The following CALCR variants were observed in gnomAD, a reference collection of about 807,000 sequenced individuals.
The protein encoded by CALCR is calcitonin receptor.
CALCR carries 47 observed loss-of-function variants against 59.5 expected under a neutral mutation model. That is an observed-to-expected ratio of 0.79 (90% CI 0.63 to 1.01). The LOEUF is 1.01. Ranked by LOEUF, CALCR falls within the 50% of genes least tolerant of loss-of-function variation. The pLI, the probability that CALCR is intolerant of heterozygous loss-of-function variation, is 0.00. For missense variants in CALCR, 566 were observed against 597.1 expected (o/e 0.95, Z 0.54); for synonymous variants, 213 against 211.3 (o/e 1.01, Z -0.07).
intron 2 of CALCR, among the ~76,000 whole-genome samples, chr7:93,535,520 G>A (rs999029157): frequency 6.6e-6 from 1 of 151,672 alleles, no homozygotes; most frequent in African/African-American, 2.4e-5. Flanking sequence ...AACTGAAAAT[G>A]GACACACAGA....
At position 93,479,489 on chromosome 7, in the gene CALCR, G is replaced by A; in HGVS notation, c.70C>T (p.Pro24Ser). The A allele has an allele frequency of 6.2e-7, 1 of 1,612,236 alleles. No homozygotes were observed. Residue 24 changes from proline (P) to serine (S), a missense_variant, in exon 4 of 14, where the codon CCT becomes TCT. Physicochemically the swap from Pro to Ser is moderately conservative, Grantham distance 74. Transcript: ENST00000426151. ...GGATAGGTTTGATTTGAAAAGGCAG[G>A]AAGAATTGGGGTTGGGTGCTGTATT... Reference protein sequence around the residue: ...LLLNHPTPILPAFSNQTYPTI... With the variant: ...LLLNHPTPILSAFSNQTYPTI...
At chr7:93,441,867 A>G (rs938099520) in intron 9 of CALCR, among the ~76,000 whole-genome samples, 2 of 152,054 alleles carry the variant, frequency 1.3e-5, no homozygotes, top group African/African-American at 4.8e-5. Context: ...ATCCCCCTCA[A>G]TTTTCTTGGC....
Position 93,438,205 on chromosome 7 carries a change from CT to C in CALCR, c.863+4del, listed in dbSNP as rs759161997. 3.4e-5 allele frequency: 55 copies of C among 1,612,510 alleles called. No individual in the cohort carries two copies. The highest frequency in any genetic ancestry group is 4.7e-5 in the Non-Finnish European group (55 of 1,178,692). ...TGTTAACTTAAACATCACCATAATA[CT>C]TACTTGTCATTGAAGTACACGGCCC... On this transcript the variant is annotated splice_donor_region_variant and intron_variant, in intron 10 of 13. Transcript: ENST00000426151.
intron 8 of CALCR, among the ~76,000 whole-genome samples, chr7:93,459,964 T>A (rs1800282374): frequency 6.6e-6 from 1 of 152,194 alleles, no homozygotes; most frequent in South Asian, 2.1e-4. Flanking sequence ...TTGCCCTAAC[T>A]TTTGCATTTC....
intron 2 of CALCR, among the ~76,000 whole-genome samples, chr7:93,550,598 A>AACACACACACACACACACACACAC (rs201729250): frequency 9.8e-5 from 12 of 121,928 alleles, no homozygotes; most frequent in African/African-American, 3.2e-4. Flanking sequence ...ATTTGGGCTA[A>AACACACACACACACACACACACAC]ACACACACAC....
chr7:93,523,270 T>A (rs1030597604), intron 2 of CALCR, among the ~76,000 whole-genome samples: 3 of 152,224 alleles, frequency 2.0e-5, no homozygotes, highest in African/African-American at 7.2e-5. Context: ...CCATAAGGAC[T>A]TAATTTTGAC....
chr7:93,569,856 C>A (rs1395618944), intron 2 of CALCR, among the ~76,000 whole-genome samples: 2 of 151,194 alleles, frequency 1.3e-5, no homozygotes, highest in Admixed American at 6.6e-5. Context: ...AAATAAAGGG[C>A]AGGGAGTGAG....
rs751860656 is a variant in CALCR, at chr7:93,460,879, A to G, written c.590T>C (p.Ile197Thr). The part of the protein sequence containing the change: ...MFLTYILNSM[I>T]IIIHLVEVVP... ...TACTTCAACCAGGTGGATGATGATA[A>G]TCATAGAATTCAGAATGTAAGTAAG... Residue 197 changes from isoleucine to threonine, a missense_variant, in exon 8 of 14, where the codon ATT (isoleucine) becomes ACT (threonine). Ile to Thr is a moderately conservative substitution (Grantham distance 89, BLOSUM62 -1). Coordinates refer to ENST00000426151, the MANE Select transcript of CALCR (RefSeq NM_001742.4). 7 of 1,611,960 alleles carry G rather than the reference A, an allele frequency of 4.3e-6. No homozygotes were observed. In the Admixed American group the frequency reaches 1.2e-4, roughly 27 times the overall value.
chr7:93,504,836 A>G (rs1801392894), intron 2 of CALCR, among the ~76,000 whole-genome samples: 1 of 152,132 alleles, frequency 6.6e-6, no homozygotes, highest in South Asian at 2.1e-4. Flanking sequence ...AATAATTGTG[A>G]CTGACATCTC....
chr7:93,550,640 C>CACACACACACACACACACAT (rs546932316), intron 2 of CALCR, among the ~76,000 whole-genome samples: 1 of 146,758 alleles, frequency 6.8e-6, no homozygotes, highest in Non-Finnish European at 1.5e-5. Context: ...CACACACACA[C>CACACACACACACACACACAT]GAGAGACAGA....
chr7:93,478,022 T>G (rs1304176326), intron 4 of CALCR, among the ~76,000 whole-genome samples: 1 of 142,012 alleles, frequency 7.0e-6, no homozygotes, highest in Non-Finnish European at 1.5e-5. Context: ...GAAGATTTAC[T>G]TCTATAAAGG....
chr7:93,498,134 A>C (rs936673586), intron 2 of CALCR, among the ~76,000 whole-genome samples: 1 of 151,682 alleles, frequency 6.6e-6, no homozygotes, highest in African/African-American at 2.4e-5. Flanking sequence ...TATAAGATTT[A>C]AAATGAAGCA....
At chr7:93,561,665 T>C (rs193266291) in intron 2 of CALCR, among the ~76,000 whole-genome samples, 3 of 152,312 alleles carry the variant, frequency 2.0e-5, no homozygotes, top group African/African-American at 7.2e-5. Context: ...TTGAACATAC[T>C]TAATGGTAAG....
At chr7:93,480,340 G>A (rs1161602608) in intron 3 of CALCR, among the ~76,000 whole-genome samples, 3 of 151,750 alleles carry the variant, frequency 2.0e-5, no homozygotes, top group African/African-American at 7.3e-5. Flanking sequence ...AGTGGTGTTG[G>A]AATCTGCGAA....
chr7:93,544,926 C>T (rs1789245519), intron 2 of CALCR, among the ~76,000 whole-genome samples: 2 of 152,120 alleles, frequency 1.3e-5, no homozygotes, highest in African/African-American at 4.8e-5. Flanking sequence ...GCAGGAAAGG[C>T]CACTGTGCAG....
At chr7:93,451,369 T>C (rs1800106704) in intron 8 of CALCR, among the ~76,000 whole-genome samples, 1 of 152,008 alleles carries the variant, frequency 6.6e-6, no homozygotes, top group Admixed American at 6.6e-5. Flanking sequence ...TGAAGTCCTA[T>C]TTATGTATGC....
intron 2 of CALCR, among the ~76,000 whole-genome samples, chr7:93,572,206 T>G (rs1790020284): frequency 6.6e-6 from 1 of 152,152 alleles, no homozygotes; most frequent in South Asian, 2.1e-4. Context: ...TATATGTATG[T>G]TTATACATAT....
intron 12 of CALCR, among the ~76,000 whole-genome samples, chr7:93,434,694 G>A (rs948138016): frequency 2.0e-5 from 3 of 152,118 alleles, no homozygotes; most frequent in Admixed American, 6.5e-5. Context: ...GAGGCTGTGG[G>A]TCTGTGTCCT....
chr7:93,453,547 A>G (rs780734036), intron 8 of CALCR, among the ~76,000 whole-genome samples: 3 of 152,034 alleles, frequency 2.0e-5, no homozygotes, highest in African/African-American at 4.8e-5. Context: ...CTACCATCTC[A>G]ATTGGAAGCT....
Sources: allele counts gnomAD v4.1 joint callset (sites outside exome capture counted in the v4.1 genomes callset), GRCh38; gene constraint gnomAD v4.1.1; transcripts MANE v1.5; gene names NCBI Gene and HGNC (gene_info 2026-07-23, HGNC 2026-07-21).